Variants in KIF26B observed in about 807,000 individuals in gnomAD.
KIF26B encodes kinesin-like protein KIF26B.
Under a neutral mutation model 151.2 loss-of-function variants are expected in KIF26B, and 63 were observed. The ratio of observed to expected loss-of-function variants is 0.42; its 90% CI spans 0.34 to 0.51. The LOEUF (loss-of-function observed/expected upper bound fraction) is 0.51, where lower values mean the gene tolerates loss of function less well. Among genes scored for constraint, KIF26B ranks in the 20% least tolerant of loss-of-function variants. KIF26B has a pLI of 0.07. For missense variants in KIF26B, 2,813 were observed against 2,913.6 expected, an observed-to-expected ratio of 0.97 and a Z score of 0.79; for synonymous variants, 1,357 against 1,262.1, an observed-to-expected ratio of 1.08 and a Z score of -1.59.
At position 245,373,642 on chromosome 1, in the gene KIF26B, T is replaced by G. The variant is rs74351038; in HGVS notation, c.999+6275T>G. Reference sequence around the variant, plus strand: ...TCCTGCTTTCTCTAAAAACATGCATTGGAATGAATGTGAGAGGTAATGCTG... The same window carrying G: ...TCCTGCTTTCTCTAAAAACATGCATGGGAATGAATGTGAGAGGTAATGCTG... On this transcript the variant is annotated intron_variant, in intron 3 of 14. Transcript: ENST00000407071. Among the ~76,000 whole-genome samples the G allele has an allele frequency of 3.3e-4, 50 of 152,264 alleles. No homozygotes were observed. The East Asian group carries it at 8.1e-3, about 25-fold the overall frequency.
At chr1:245,171,663 A>C (rs935688854) in intron 2 of KIF26B, among the ~76,000 whole-genome samples, 13 of 152,206 alleles carry the variant, frequency 8.5e-5, no homozygotes, top group Admixed American at 2.0e-4. Flanking sequence ...ATATTCTTTT[A>C]AATTATTAGC....
At chr1:245,409,908 T>A (rs894109914) in intron 3 of KIF26B, among the ~76,000 whole-genome samples, 2 of 152,108 alleles carry the variant, frequency 1.3e-5, no homozygotes, top group Non-Finnish European at 2.9e-5. Flanking sequence ...AAAAGCTATA[T>A]CCTATTTAAA....
intron 3 of KIF26B, among the ~76,000 whole-genome samples, chr1:245,379,255 T>A (rs539063637): frequency 1.7e-4 from 26 of 152,360 alleles, no homozygotes; most frequent in African/African-American, 5.8e-4. Context: ...TGATCTCATT[T>A]TATCATTAGT....
intron 3 of KIF26B, among the ~76,000 whole-genome samples, chr1:245,410,574 C>T (rs796821718): frequency 8.5e-5 from 13 of 152,172 alleles, no homozygotes; most frequent in Admixed American, 3.3e-4. Flanking sequence ...CTCAGCCTCC[C>T]GAGTAGCTGG....
chr1:245,686,884 C>T lies in KIF26B; in HGVS notation c.3901C>T (p.Gln1301Ter). ...GCAGTCGTGCCACAGTTTCATAGCC[C>T]AGACGTGTTTTGGGCACGGGGAGGC... Reference protein sequence around the residue: ...GEQSCHSFIAQTCFGHGEAMA... With the variant: ...GEQSCHSFIA The change falls in exon 12 of 15, where the codon CAG (glutamine) becomes TAG (stop). Residue 1301 changes from glutamine (Q) to a stop codon, truncating the protein, a stop_gained. Transcript: ENST00000407071. LOFTEE classifies it high-confidence loss of function. This position sits in a 1 kb window ranked among gnomAD's most constrained non-coding sequence, Gnocchi z 5.6. The T allele has an allele frequency of 6.2e-7, 1 of 1,613,586 alleles. No homozygotes were observed. Among genetic ancestry groups the T allele is most frequent in the African/African-American group, 1.3e-5 (1 of 75,036 alleles).
chr1:245,482,427 C>T (rs1249508705), intron 4 of KIF26B, among the ~76,000 whole-genome samples: 3 of 151,752 alleles, frequency 2.0e-5, no homozygotes, highest in African/African-American at 7.2e-5. Context: ...AATGAGTAAT[C>T]CTTTATAATC....
intron 2 of KIF26B, among the ~76,000 whole-genome samples, chr1:245,362,269 C>A (rs148597642): frequency 6.7e-6 from 1 of 150,002 alleles, no homozygotes; most frequent in Admixed American, 6.7e-5. Flanking sequence ...TGGCTCATGC[C>A]GGTAATCCCA....
intron 5 of KIF26B, among the ~76,000 whole-genome samples, chr1:245,589,026 G>A (rs1009329470): frequency 2.0e-4 from 30 of 152,180 alleles, no homozygotes; most frequent in Admixed American, 1.4e-3. Flanking sequence ...GGGAAGTTAC[G>A]AGAACGTAGC....
intron 5 of KIF26B, among the ~76,000 whole-genome samples, chr1:245,557,271 G>A (rs1218565417): frequency 6.6e-6 from 1 of 152,212 alleles, no homozygotes; most frequent in Non-Finnish European, 1.5e-5. Flanking sequence ...CAGGTGCGTA[G>A]ATTTTAAGTA....
At chr1:245,348,003 TGC>T (rs1672488596) in intron 2 of KIF26B, among the ~76,000 whole-genome samples, 1 of 152,244 alleles carries the variant, frequency 6.6e-6, no homozygotes, top group Non-Finnish European at 1.5e-5. Context: ...TTACCTTCTA[TGC>T]CATAAGTGGT....
At chr1:245,328,456 T>A (rs1336703570) in intron 2 of KIF26B, among the ~76,000 whole-genome samples, 2 of 152,182 alleles carry the variant, frequency 1.3e-5, no homozygotes. Flanking sequence ...TAGTTTTACT[T>A]GTTAGTTACC....
rs1396223041 is a variant in KIF26B, at chr1:245,516,657, C to G, written c.1167-24110C>G. On this transcript the variant is annotated intron_variant, in intron 4 of 14. Coordinates refer to ENST00000407071, the MANE Select transcript of KIF26B (RefSeq NM_018012.4). The surrounding 1 kb of genome is among the most constrained non-coding windows in gnomAD (Gnocchi z 4.2). The stretch of plus-strand genomic sequence containing the variant: ...TGGAGATGTGGGGTGAAGTAATGAG[C>G]CCGCAAGGCCTGTCTGTGCCTATTG... 2.6e-5 allele frequency among the ~76,000 whole-genome samples: 4 copies of G among 152,082 alleles called. No individual in the cohort carries two copies. The highest frequency in any genetic ancestry group is 5.9e-5 in the Non-Finnish European group (4 of 68,014).
chr1:245,412,522 G>A (rs1279724732), intron 3 of KIF26B, among the ~76,000 whole-genome samples: 1 of 152,206 alleles, frequency 6.6e-6, no homozygotes, highest in Non-Finnish European at 1.5e-5. Flanking sequence ...ACACACTCTG[G>A]TAGCTCTCAG....
intron 2 of KIF26B, among the ~76,000 whole-genome samples, chr1:245,361,374 A>G (rs1672814745): frequency 6.6e-6 from 1 of 152,178 alleles, no homozygotes; most frequent in African/African-American, 2.4e-5. Context: ...CTGACATTTA[A>G]CATTTCCTCC....
At chr1:245,641,378 T>C (rs2043890643) in intron 9 of KIF26B, among the ~76,000 whole-genome samples, 1 of 152,202 alleles carries the variant, frequency 6.6e-6, no homozygotes, top group Admixed American at 6.5e-5. Context: ...TATATTTTTC[T>C]CCAGGTTTGG....
chr1:245,319,849 TGAGGATAC>T (rs906562245), intron 2 of KIF26B, among the ~76,000 whole-genome samples: 10 of 152,182 alleles, frequency 6.6e-5, no homozygotes, highest in Admixed American at 2.0e-4. Flanking sequence ...GGAAGCATTT[TGAGGATAC>T]GATTTCTGAG....
At chr1:245,484,778 AT>A (rs1183459258) in intron 4 of KIF26B, among the ~76,000 whole-genome samples, 29 of 148,154 alleles carry the variant, frequency 2.0e-4, no homozygotes, top group Non-Finnish European at 3.6e-4. Flanking sequence ...TATTATTATT[AT>A]TATTATTATT....
intron 4 of KIF26B, among the ~76,000 whole-genome samples, chr1:245,433,788 T>C (rs528529543): frequency 7.9e-5 from 12 of 152,248 alleles, no homozygotes; most frequent in Admixed American, 7.8e-4. Context: ...TCCGGAAATA[T>C]AATTTCAAAA....
chr1:245,675,179 G>A (rs1222989485), intron 10 of KIF26B, among the ~76,000 whole-genome samples: 3 of 152,150 alleles, frequency 2.0e-5, no homozygotes, highest in Admixed American at 6.5e-5. Flanking sequence ...TTACCTTCCC[G>A]GCATCCGTGT....
Sources: allele counts gnomAD v4.1 joint callset (sites outside exome capture counted in the v4.1 genomes callset), GRCh38; gene constraint gnomAD v4.1.1; non-coding constraint Gnocchi (gnomAD v3.1); transcripts MANE v1.5; gene names NCBI Gene and HGNC (gene_info 2026-07-23, HGNC 2026-07-21).